The following HS1BP3 variants were observed in gnomAD, a reference collection of about 807,000 sequenced individuals.
HS1BP3 encodes HCLS1-binding protein 3.
HS1BP3 carries 32 observed loss-of-function variants against 33.5 expected under a neutral mutation model. The ratio of observed to expected loss-of-function variants is 0.95; its 90% CI spans 0.72 to 1.28. HS1BP3 has a LOEUF of 1.28. Ranked by LOEUF, HS1BP3 falls within the 50% of genes most tolerant of loss-of-function variation. The probability of loss-of-function intolerance (pLI) is 0.00; values close to 1 mark genes in which losing one functional copy is unlikely to be tolerated. For missense variants in HS1BP3, 486 were observed against 502.3 expected, an observed-to-expected ratio of 0.97 and a Z score of 0.31; for synonymous variants, 187 against 209.2, an observed-to-expected ratio of 0.89 and a Z score of 0.92.
At chr2:20,624,656 G>A (rs1413313754) in intron 5 of HS1BP3, 76 bp downstream of exon 5, 103 of 1,396,954 alleles carry the variant, frequency 7.4e-5, no homozygotes, top group Non-Finnish European at 9.3e-5. Flanking sequence ...TTCACGCCGG[G>A]TGAGTCCAGA....
downstream of HS1BP3, among the ~76,000 whole-genome samples, chr2:20,589,264 A>G (rs765853843): frequency 3.4e-4 from 51 of 152,162 alleles, no homozygotes; most frequent in Non-Finnish European, 6.0e-4. Context: ...TCACCGTCCA[A>G]CACATCCTCA....
chr2:20,567,913 C>T (rs895472722), intron 5 of HS1BP3, among the ~76,000 whole-genome samples: 1 of 152,134 alleles, frequency 6.6e-6, no homozygotes, highest in Non-Finnish European at 1.5e-5. Context: ...CCCCCAGCAC[C>T]GAGGGGGAAC....
At chr2:20,565,097 C>G (rs940109397) in intron 5 of HS1BP3, among the ~76,000 whole-genome samples, 2 of 152,192 alleles carry the variant, frequency 1.3e-5, no homozygotes, top group Admixed American at 1.3e-4. Flanking sequence ...CCCACTTCTT[C>G]CCAGCAGCAG....
At chr2:20,558,467 G>A (rs552509088), downstream of HS1BP3, among the ~76,000 whole-genome samples, 28 of 152,242 alleles carry the variant, frequency 1.8e-4, no homozygotes, top group Admixed American at 8.5e-4. Flanking sequence ...TCATGCCTCC[G>A]TCTCAGTTCT....
At chr2:20,588,911 G>A (rs1371032178), downstream of HS1BP3, among the ~76,000 whole-genome samples, 2 of 152,336 alleles carry the variant, frequency 1.3e-5, no homozygotes, top group Non-Finnish European at 2.9e-5. Context: ...TTCCCCGGGG[G>A]AGGGCTGCCA....
At chr2:20,598,173 G>C (rs1251794304) in intron 3 of HS1BP3, 6 of 285,616 alleles carry the variant, frequency 2.1e-5, no homozygotes, top group African/African-American at 1.3e-4. Flanking sequence ...TTATTATTAC[G>C]TTGTAATATA....
chr2:20,564,588 A>T (rs1240370772), intron 5 of HS1BP3, among the ~76,000 whole-genome samples: 1 of 152,068 alleles, frequency 6.6e-6, no homozygotes, highest in Non-Finnish European at 1.5e-5. Flanking sequence ...GATTCAAGTG[A>T]TTCTCATGCC....
intron 3 of HS1BP3, among the ~76,000 whole-genome samples, chr2:20,596,552 T>C (rs1264297330): frequency 6.6e-6 from 1 of 152,244 alleles, no homozygotes; most frequent in Non-Finnish European, 1.5e-5. Flanking sequence ...AATCAACTGA[T>C]GCCTTGACCT....
At chr2:20,554,337 G>A in the HS1BP3 span, among the ~76,000 whole-genome samples, 113 of 152,266 alleles carry the variant, frequency 7.4e-4, 2 homozygotes, top group South Asian at 0.022. Flanking sequence ...CCTGACACAC[G>A]CTCCTAACAC....
chr2:20,643,846 T>C (rs949270366), intron 2 of HS1BP3, among the ~76,000 whole-genome samples: 3 of 152,118 alleles, frequency 2.0e-5, no homozygotes, highest in African/African-American at 4.8e-5. Context: ...GGCAGGAGGA[T>C]TGCTTGAGCC....
intron 1 of HS1BP3, among the ~76,000 whole-genome samples, chr2:20,650,434 GC>G (rs1359280310): frequency 1.3e-5 from 2 of 152,196 alleles, no homozygotes; most frequent in Non-Finnish European, 2.9e-5. Context: ...CCCCTCCAAG[GC>G]TTTTGCTGTA....
At chr2:20,587,852 T>C (rs1693718290), downstream of HS1BP3, among the ~76,000 whole-genome samples, 1 of 152,204 alleles carries the variant, frequency 6.6e-6, no homozygotes, top group Admixed American at 6.5e-5. Context: ...CTGAGCCCAG[T>C]GCCTTGGCAG....
At chr2:20,553,962 G>A in the HS1BP3 span, among the ~76,000 whole-genome samples, 1 of 152,192 alleles carries the variant, frequency 6.6e-6, no homozygotes, top group South Asian at 2.1e-4. Context: ...CAGGGATGAA[G>A]GACGGTTTAG....
intron 4 of HS1BP3, chr2:20,638,082 C>G (rs1572357106): frequency 2.2e-6 from 1 of 450,908 alleles, no homozygotes; most frequent in East Asian, 3.6e-5. Context: ...GCGAGTCCCA[C>G]AGCTGGAAGG....
chr2:20,569,744 G>A (rs1021147530), intron 5 of HS1BP3, among the ~76,000 whole-genome samples: 5 of 152,180 alleles, frequency 3.3e-5, no homozygotes, highest in African/African-American at 1.2e-4. Flanking sequence ...CCTTGGAGTT[G>A]GGCACAGGGG....
At chr2:20,608,221 T>TC (rs1259708154) in intron 2 of HS1BP3, among the ~76,000 whole-genome samples, 1 of 152,050 alleles carries the variant, frequency 6.6e-6, no homozygotes, top group Non-Finnish European at 1.5e-5. Context: ...TATCTAGATG[T>TC]CTTTTTTTTT....
At position 20,623,893 on chromosome 2, in the gene HS1BP3, T is replaced by C. The variant is rs1694683158; in HGVS notation, c.920+3A>G. Reference sequence around the variant, plus strand: ...GCCAAGCGCCGCTGGGGACAGGTGGTACCTGAACAGTTCCTTGGAGGCGTC... The same window carrying C: ...GCCAAGCGCCGCTGGGGACAGGTGGCACCTGAACAGTTCCTTGGAGGCGTC... On this transcript the variant is annotated splice_donor_region_variant and intron_variant, in intron 6 of 6. Coordinates refer to ENST00000304031, the MANE Select transcript of HS1BP3 (RefSeq NM_022460.4). 2 of 1,611,532 alleles carry C rather than the reference T, an allele frequency of 1.2e-6. No individual in the cohort carries two copies. Among genetic ancestry groups the C allele is most frequent in the African/African-American group, 1.3e-5 (1 of 74,992 alleles).
At chr2:20,647,615 C>G (rs993785802) in intron 1 of HS1BP3, among the ~76,000 whole-genome samples, 1 of 152,144 alleles carries the variant, frequency 6.6e-6, no homozygotes, top group Non-Finnish European at 1.5e-5. Context: ...AGCCCTCCGA[C>G]GAGTCTGATG....
At chr2:20,575,765 C>T (rs866891534) in intron 5 of HS1BP3, among the ~76,000 whole-genome samples, 4 of 9,754 alleles carry the variant, frequency 4.1e-4, no homozygotes, top group Admixed American at 3.8e-3. Flanking sequence ...GTTCCACCCC[C>T]CCCCCCCCCT....
Sources: gnomAD v4.1 joint callset for allele counts (sites outside exome capture counted in the v4.1 genomes callset) on GRCh38, gnomAD v4.1.1 for gene constraint, MANE v1.5 for transcripts, NCBI Gene and HGNC (gene_info 2026-07-23, HGNC 2026-07-21) for gene names.